INPP4B: variants seen among roughly 807,000 people sequenced by gnomAD.
The protein encoded by INPP4B is inositol polyphosphate 4-phosphatase type II.
Under a neutral mutation model 122.5 loss-of-function variants are expected in INPP4B, and 55 were observed. The ratio of observed to expected loss-of-function variants is 0.45; its 90% CI spans 0.36 to 0.56. The LOEUF is 0.56. INPP4B is among the 20% of genes least tolerant of loss of function. The probability of loss-of-function intolerance (pLI) is 0.00; values close to 1 mark genes in which losing one functional copy is unlikely to be tolerated. For synonymous variants in INPP4B, 403 were observed against 388.7 expected, an observed-to-expected ratio of 1.04 and a Z score of -0.43; for missense variants, 1,000 against 1,097.7, an observed-to-expected ratio of 0.91 and a Z score of 1.26.
chr4:142,787,352 A>G (rs1223024294), intron 1 of INPP4B, among the ~76,000 whole-genome samples: 1 of 152,090 alleles, frequency 6.6e-6, no homozygotes, highest in East Asian at 1.9e-4. Flanking sequence ...TGTTTCTTAT[A>G]AAAGAACAAG....
At chr4:142,162,817 G>A (rs1820764849) in intron 16 of INPP4B, among the ~76,000 whole-genome samples, 1 of 151,796 alleles carries the variant, frequency 6.6e-6, no homozygotes, top group African/African-American at 2.4e-5. Context: ...TGAATACAAG[G>A]CTTACAATCT....
At chr4:142,616,072 T>G (rs1049239091) in intron 2 of INPP4B, among the ~76,000 whole-genome samples, 4 of 152,096 alleles carry the variant, frequency 2.6e-5, no homozygotes, top group African/African-American at 9.7e-5. Flanking sequence ...ATGATTCTAT[T>G]TGGAAGCTAG....
At chr4:142,357,566 C>T (rs1784022283) in intron 7 of INPP4B, among the ~76,000 whole-genome samples, 1 of 151,936 alleles carries the variant, frequency 6.6e-6, no homozygotes. Context: ...CTCAGACAAA[C>T]CTCAGAAATA....
At position 142,082,048 on chromosome 4, in the gene INPP4B, C is replaced by T. The variant is rs562564993; in HGVS notation, c.2625G>A (p.Ala875=). 9.6e-6 allele frequency: 14 copies of T among 1,463,306 alleles called. No individual in the cohort carries two copies. The South Asian group carries it at 1.1e-4, about 12-fold the overall frequency. 90.6% of individuals were successfully genotyped at this position (1,463,306 alleles called of 1,614,324 possible). The change falls in exon 25 of 26, where the codon GCG becomes GCA. Residue 875 remains alanine (A), a synonymous_variant. Coordinates refer to ENST00000262992, the MANE Select transcript of INPP4B (RefSeq NM_001101669.3). Reference sequence around the variant, plus strand: ...TGAGATACCTTCTCATGCAATCCAGCGCTCGGATAAAGAAGTCCTTGTGTA... The same window carrying T: ...TGAGATACCTTCTCATGCAATCCAGTGCTCGGATAAAGAAGTCCTTGTGTA... ...HQLHKDFFIR[A]LDCMRREGCR... is the part of the protein sequence containing the mutation.
At chr4:142,509,464 G>A (rs191854319) in intron 2 of INPP4B, among the ~76,000 whole-genome samples, 81 of 152,114 alleles carry the variant, frequency 5.3e-4, no homozygotes, top group African/African-American at 1.8e-3. Context: ...ACATGTGAGT[G>A]AGAACATGCA....
intron 25 of INPP4B, among the ~76,000 whole-genome samples, chr4:142,071,022 T>C (rs1766942968): frequency 6.6e-6 from 1 of 152,180 alleles, no homozygotes; most frequent in Non-Finnish European, 1.5e-5. Context: ...AGAGCCTGCA[T>C]TACCAAGACA....
At chr4:142,059,051 G>C (rs1242172176) in intron 25 of INPP4B, among the ~76,000 whole-genome samples, 1 of 151,982 alleles carries the variant, frequency 6.6e-6, no homozygotes, top group Non-Finnish European at 1.5e-5. Flanking sequence ...TTATAAACCT[G>C]GATATTTAGT....
intron 2 of INPP4B, among the ~76,000 whole-genome samples, chr4:142,488,111 A>G (rs1291692767): frequency 6.6e-6 from 1 of 152,058 alleles, no homozygotes; most frequent in Non-Finnish European, 1.5e-5. Flanking sequence ...TTTATTATGA[A>G]TGAATGTTGA....
At chr4:142,388,447 G>A (rs1036074134) in intron 7 of INPP4B, among the ~76,000 whole-genome samples, 1 of 151,260 alleles carries the variant, frequency 6.6e-6, no homozygotes. Context: ...CACTCTTAAT[G>A]CACACATGAG....
At position 142,348,871 on chromosome 4, in the gene INPP4B, T is replaced by A. The variant is rs763496030; in HGVS notation, c.373-34109A>T. On this transcript the variant is annotated intron_variant, in intron 7 of 25. Transcript: ENST00000262992. ...TGTTCTGCTGGAGGGAAAAGTGATT[T>A]CAGGCACTTCGCAGCCAGCTCAGTG... Among the ~76,000 whole-genome samples, 157 of 152,008 alleles carry A rather than the reference T, an allele frequency of 1.0e-3. 1 individual carries two copies. The highest frequency in any genetic ancestry group is 6.2e-4 in the Non-Finnish European group (42 of 67,954).
rs188834893 is a variant in INPP4B, at chr4:142,572,631, A to G, written c.-190-109905T>C. ...ATTTAGTGATCCGAGATTTTTCAGA[A>G]AACGGAATTTTTTATCTGGGTGAGA... is the stretch of plus-strand genomic sequence containing the variant. On this transcript the variant is annotated intron_variant, in intron 2 of 25. Coordinates refer to ENST00000262992, the MANE Select transcript of INPP4B (RefSeq NM_001101669.3). Among the ~76,000 whole-genome samples, 76 of 152,204 alleles carry G rather than the reference A, an allele frequency of 5.0e-4. 2 individuals are homozygous for G. The highest frequency in any genetic ancestry group is 1.6e-3 in the African/African-American group (65 of 41,560).
intron 1 of INPP4B, among the ~76,000 whole-genome samples, chr4:142,793,231 G>A (rs1290210383): frequency 6.6e-6 from 1 of 152,048 alleles, no homozygotes; most frequent in East Asian, 1.9e-4. Context: ...ATTACCCTTA[G>A]CAATAAACAA....
intron 2 of INPP4B, among the ~76,000 whole-genome samples, chr4:142,613,161 A>G (rs1742938838): frequency 6.6e-6 from 1 of 152,214 alleles, no homozygotes; most frequent in Non-Finnish European, 1.5e-5. Context: ...CCTGATGATC[A>G]GAGACCTACC....
intron 1 of INPP4B, among the ~76,000 whole-genome samples, chr4:142,794,842 G>T (rs547447342): frequency 6.6e-6 from 1 of 151,966 alleles, no homozygotes; most frequent in Admixed American, 6.6e-5. Flanking sequence ...AAGCAAATTG[G>T]TATTATGCAG....
intron 11 of INPP4B, among the ~76,000 whole-genome samples, chr4:142,240,518 G>T (rs1026321957): frequency 6.6e-6 from 1 of 152,102 alleles, no homozygotes; most frequent in Non-Finnish European, 1.5e-5. Flanking sequence ...GAAAATACTT[G>T]TAACAATTTA....
intron 2 of INPP4B, chr4:142,514,394 G>A (rs570430558): frequency 1.3e-5 from 2 of 152,060 alleles, no homozygotes; most frequent in East Asian, 3.9e-4. Flanking sequence ...TCCAACCAAA[G>A]GTGTAGAAAC....
intron 2 of INPP4B, chr4:142,566,111 G>A (rs560180894): frequency 2.4e-4 from 37 of 152,256 alleles, no homozygotes; most frequent in African/African-American, 8.9e-4. Context: ...AGTTCACAAA[G>A]AGATCCATTT....
At chr4:142,823,385 A>G (rs957155958) in intron 1 of INPP4B, among the ~76,000 whole-genome samples, 1 of 152,188 alleles carries the variant, frequency 6.6e-6, no homozygotes, top group Admixed American at 6.5e-5. Flanking sequence ...ATACTTCCAA[A>G]GCATCTGAAA....
chr4:142,508,732 G>A (rs1824335646), intron 2 of INPP4B, among the ~76,000 whole-genome samples: 1 of 152,152 alleles, frequency 6.6e-6, no homozygotes, highest in South Asian at 2.1e-4. Flanking sequence ...TAAACCAGTG[G>A]TTCTCAACCA....
Sources: allele counts gnomAD v4.1 joint callset (sites outside exome capture counted in the v4.1 genomes callset), GRCh38; gene constraint gnomAD v4.1.1; transcripts MANE v1.5; gene names NCBI Gene and HGNC (gene_info 2026-07-23, HGNC 2026-07-21).